The following TNFRSF21 variants were observed in gnomAD, a reference collection of about 807,000 sequenced individuals.
The protein encoded by TNFRSF21 is TNF receptor superfamily member 21.
In TNFRSF21, 19 loss-of-function variants were observed where a neutral mutation model predicts 45.6. The observed-to-expected ratio is 0.42, with a 90% CI of 0.29 to 0.61. TNFRSF21 has a LOEUF of 0.61. Ranked by LOEUF, TNFRSF21 falls within the 20% of genes least tolerant of loss-of-function variation. The probability of loss-of-function intolerance (pLI) is 0.23; values close to 1 mark genes in which losing one functional copy is unlikely to be tolerated. For synonymous variants in TNFRSF21, 314 were observed against 335.5 expected (o/e 0.94, Z 0.70); for missense variants, 737 against 851.5 (o/e 0.87, Z 1.67).
intron 3 of TNFRSF21, 91 bp downstream of exon 3, chr6:47,283,847 A>C: frequency 6.6e-7 from 1 of 1,506,674 alleles, no homozygotes; most frequent in Non-Finnish European, 8.9e-7. Context: ...GAGATTCCAC[A>C]AACTACGCAT....
At chr6:47,241,180 T>A (rs965732338) in intron 4 of TNFRSF21, among the ~76,000 whole-genome samples, 9 of 152,200 alleles carry the variant, frequency 5.9e-5, no homozygotes, top group Non-Finnish European at 1.2e-4. Context: ...TAAGAAATGC[T>A]TTCTTATTCA....
intron 3 of TNFRSF21, 42 bp from the exon 4 acceptor site, chr6:47,253,563 G>A (rs767438907): frequency 6.3e-7 from 1 of 1,592,724 alleles, no homozygotes; most frequent in Non-Finnish European, 8.5e-7. Context: ...GGGCTTGTAA[G>A]GGAAGCTTCT....
At chr6:47,302,310 C>G (rs1287436988) in intron 1 of TNFRSF21, among the ~76,000 whole-genome samples, 1 of 152,130 alleles carries the variant, frequency 6.6e-6, no homozygotes, top group Non-Finnish European at 1.5e-5. Context: ...GGTACAAGCC[C>G]GTGCACTTAC....
chr6:47,265,288 TTGA>T (rs1277224847), intron 3 of TNFRSF21, among the ~76,000 whole-genome samples: 2 of 152,228 alleles, frequency 1.3e-5, no homozygotes, highest in Non-Finnish European at 2.9e-5. Flanking sequence ...AAATTTACTG[TTGA>T]TGACAATTTT....
chr6:47,249,308 A>T (rs1273082364), intron 4 of TNFRSF21, among the ~76,000 whole-genome samples: 1 of 152,252 alleles, frequency 6.6e-6, no homozygotes, highest in Non-Finnish European at 1.5e-5. Context: ...ATTTAAAAAT[A>T]AAATCACATC....
intron 1 of TNFRSF21, among the ~76,000 whole-genome samples, chr6:47,302,202 C>G (rs1300320137): frequency 6.6e-6 from 1 of 152,204 alleles, no homozygotes; most frequent in African/African-American, 2.4e-5. Context: ...AAACCACACA[C>G]AAACACATGA....
intron 4 of TNFRSF21, among the ~76,000 whole-genome samples, chr6:47,238,277 C>T (rs747100926): frequency 6.6e-6 from 1 of 152,192 alleles, no homozygotes; most frequent in Non-Finnish European, 1.5e-5. Context: ...TTTGTGGACA[C>T]GGCATTCATA....
At chr6:47,292,709 G>T (rs928713437) in intron 1 of TNFRSF21, among the ~76,000 whole-genome samples, 1 of 152,088 alleles carries the variant, frequency 6.6e-6, no homozygotes, top group Non-Finnish European at 1.5e-5. Context: ...TAACAATTAG[G>T]AACTATAAAG....
intron 4 of TNFRSF21, among the ~76,000 whole-genome samples, chr6:47,243,449 T>C (rs981744344): frequency 2.6e-4 from 40 of 152,156 alleles, no homozygotes; most frequent in Non-Finnish European, 5.9e-5. Flanking sequence ...TTTTGTTTTT[T>C]TCGTGTCTCC....
rs1443515491 is a variant in TNFRSF21 at position 47,266,712 on chromosome 6, T to C, written c.1244-13191A>G. Among the ~76,000 whole-genome samples, 5 of 152,200 alleles carry C rather than the reference T, an allele frequency of 3.3e-5. No individual in the cohort carries two copies. The East Asian group carries it at 5.8e-4, about 18-fold the overall frequency. On this transcript the variant is annotated intron_variant, in intron 3 of 5. Transcript: ENST00000296861. ...CCTAAAATACAGAAGGGGTTGGTTG[T>C]AGGTTGTTTTCAACTGCAAGTTTCA... is the stretch of plus-strand genomic sequence containing the variant.
At chr6:47,283,887 G>GA in intron 3 of TNFRSF21, 51 bp downstream of exon 3, 1 of 1,562,478 alleles carries the variant, frequency 6.4e-7, no homozygotes. Flanking sequence ...AGGGACTAGG[G>GA]AAAAAGTGGT....
rs773526956 is a variant in TNFRSF21 at position 47,284,195 on chromosome 6, T to C, written c.986A>G (p.Lys329Arg). The C allele has an allele frequency of 2.5e-6, 4 of 1,614,228 alleles. No individual in the cohort carries two copies. The Admixed American group carries it at 5.0e-5, about 20-fold the overall frequency. The change falls in exon 3 of 6, where the codon AAG becomes AGG. Residue 329 changes from lysine to arginine, a missense_variant. Lys to Arg is a conservative substitution (Grantham distance 26). Transcript: ENST00000296861. Reference sequence around the variant, plus strand: ...TCTAGGATGTCCCCTCTTGGGGCCCTTGATGGGCGTGCTGGACTTCTCGCC... The same window carrying C: ...TCTAGGATGTCCCCTCTTGGGGCCCCTGATGGGCGTGCTGGACTTCTCGCC... ...TGGEKSSTPI[K>R]GPKRGHPRQN... is the part of the protein sequence containing the mutation.
intron 3 of TNFRSF21, among the ~76,000 whole-genome samples, chr6:47,273,102 C>A (rs1258488782): frequency 6.6e-6 from 1 of 152,172 alleles, no homozygotes; most frequent in Non-Finnish European, 1.5e-5. Flanking sequence ...GGAGCTGGTA[C>A]CATTCCTTCT....
At chr6:47,267,665 T>A (rs1762355025) in intron 3 of TNFRSF21, among the ~76,000 whole-genome samples, 1 of 152,176 alleles carries the variant, frequency 6.6e-6, no homozygotes, top group Admixed American at 6.5e-5. Context: ...AAGCTGGTAA[T>A]TTTATCAATG....
At chr6:47,246,051 C>T (rs1363069739) in intron 4 of TNFRSF21, among the ~76,000 whole-genome samples, 2 of 152,176 alleles carry the variant, frequency 1.3e-5, no homozygotes, top group African/African-American at 4.8e-5. Flanking sequence ...GCCCCACCTC[C>T]AACATTGGGA....
At chr6:47,241,481 AT>A (rs143145661) in intron 4 of TNFRSF21, among the ~76,000 whole-genome samples, 63,427 of 151,182 alleles carry the variant, frequency 0.42, 15,127 homozygotes, top group Non-Finnish European at 0.55. Context: ...AATGTACCCA[AT>A]TTTTTTTTTG....
chr6:47,278,112 T>C (rs1248669627), intron 3 of TNFRSF21, among the ~76,000 whole-genome samples: 1 of 152,206 alleles, frequency 6.6e-6, no homozygotes, highest in East Asian at 1.9e-4. Context: ...AGCAATCTTT[T>C]CCTAGTCAGT....
At chr6:47,276,319 A>G (rs1762497933) in intron 3 of TNFRSF21, among the ~76,000 whole-genome samples, 1 of 152,154 alleles carries the variant, frequency 6.6e-6, no homozygotes, top group East Asian at 1.9e-4. Flanking sequence ...AAATACAAGG[A>G]CAGCTGCCAC....
chr6:47,274,676 G>C (rs1762471596), intron 3 of TNFRSF21, among the ~76,000 whole-genome samples: 1 of 152,116 alleles, frequency 6.6e-6, no homozygotes, highest in South Asian at 2.1e-4. Context: ...CACAGCAAAA[G>C]AAACTATCAT....
Sources: allele counts gnomAD v4.1 joint callset (sites outside exome capture counted in the v4.1 genomes callset), GRCh38; gene constraint gnomAD v4.1.1; transcripts MANE v1.5; gene names NCBI Gene and HGNC (gene_info 2026-07-23, HGNC 2026-07-21).